Variants in RERG observed in about 807,000 individuals in gnomAD.
RERG encodes RAS like estrogen regulated growth inhibitor.
A neutral mutation model predicts 23.2 loss-of-function variants in RERG; 25 were observed. The ratio of observed to expected loss-of-function variants is 1.08; its 90% CI spans 0.79 to 1.50. RERG has a LOEUF of 1.50. RERG is among the 40% of genes most tolerant of loss of function. The pLI is 0.00. For missense variants in RERG, 253 were observed against 250.1 expected (o/e 1.01, Z -0.08); for synonymous variants, 81 against 89.1 (o/e 0.91, Z 0.51).
At chr12:15,218,699 G>A (rs1234065494) in intron 1 of RERG, among the ~76,000 whole-genome samples, 2 of 151,594 alleles carry the variant, frequency 1.3e-5, no homozygotes, top group South Asian at 2.1e-4. Context: ...ACTCAGAACC[G>A]TTCAAGGATC....
chr12:15,143,738 A>G (rs1279198865), intron 2 of RERG, among the ~76,000 whole-genome samples: 2 of 151,184 alleles, frequency 1.3e-5, no homozygotes, highest in Admixed American at 6.5e-5. Flanking sequence ...AATAAATAGT[A>G]TGTTATATGG....
intron 2 of RERG, among the ~76,000 whole-genome samples, chr12:15,136,669 AGT>A (rs1864149243): frequency 6.6e-6 from 1 of 151,954 alleles, no homozygotes; most frequent in Non-Finnish European, 1.5e-5. Context: ...GTTATTTAGA[AGT>A]GTGTTGTTGA....
intron 4 of RERG, chr12:15,110,821 C>T (rs1254071427): frequency 6.6e-6 from 1 of 152,230 alleles, no homozygotes; most frequent in East Asian, 1.9e-4. Context: ...TCTATGAACC[C>T]TTTTTAATCT....
At chr12:15,187,708 G>A (rs1424045915) in intron 2 of RERG, among the ~76,000 whole-genome samples, 1 of 151,368 alleles carries the variant, frequency 6.6e-6, no homozygotes, top group Non-Finnish European at 1.5e-5. Context: ...ACAGGCACCC[G>A]CCACCACACC....
intron 2 of RERG, among the ~76,000 whole-genome samples, chr12:15,124,652 C>G (rs955781487): frequency 1.3e-5 from 2 of 151,996 alleles, no homozygotes; most frequent in South Asian, 4.1e-4. Flanking sequence ...CCCAGGCATA[C>G]AGCTATTGCT....
chr12:15,162,010 T>C (rs1284665063), intron 2 of RERG, among the ~76,000 whole-genome samples: 1 of 152,186 alleles, frequency 6.6e-6, no homozygotes, highest in African/African-American at 2.4e-5. Flanking sequence ...TCGAGAGCAT[T>C]GTAGAAATAC....
At chr12:15,129,986 AGAATATAATGGG>A (rs1864016477) in intron 2 of RERG, among the ~76,000 whole-genome samples, 1 of 152,230 alleles carries the variant, frequency 6.6e-6, no homozygotes, top group African/African-American at 2.4e-5. Flanking sequence ...TTATTCTTTG[AGAATATAATGGG>A]GAATATAATG....
intron 3 of RERG, among the ~76,000 whole-genome samples, chr12:15,119,062 A>G (rs1863784356): frequency 6.6e-6 from 1 of 152,106 alleles, no homozygotes; most frequent in African/African-American, 2.4e-5. Flanking sequence ...GCACACACTC[A>G]TATAGACACA....
chr12:15,126,714 C>CTCTTTCTTTT (rs1565510864), intron 2 of RERG, among the ~76,000 whole-genome samples: 1 of 85,714 alleles, frequency 1.2e-5, no homozygotes, highest in Non-Finnish European at 2.6e-5. Context: ...ATTTCTTTTT[C>CTCTTTCTTTT]TTTTTCTTTC....
At chr12:15,172,959 A>G (rs1362934557) in intron 2 of RERG, among the ~76,000 whole-genome samples, 2 of 151,976 alleles carry the variant, frequency 1.3e-5, no homozygotes, top group Non-Finnish European at 2.9e-5. Context: ...ATGTCCTTTA[A>G]TGCATAAAAA....
intron 2 of RERG, among the ~76,000 whole-genome samples, chr12:15,145,222 G>A (rs1005566794): frequency 5.4e-4 from 82 of 152,338 alleles, no homozygotes; most frequent in African/African-American, 1.7e-3. Context: ...GGACTAGGAA[G>A]AGAGGACAGT....
Position 15,154,650 on chromosome 12 carries a change from T to C in RERG, c.62-33531A>G, listed in dbSNP as rs549311868. Reference sequence around the variant, plus strand: ...TGGCCAAAGAACATAGCCAGTCTTCTGGTGCGTACATTATGTGGCAGCTCG... The same window carrying C: ...TGGCCAAAGAACATAGCCAGTCTTCCGGTGCGTACATTATGTGGCAGCTCG... On this transcript the variant is annotated intron_variant, in intron 2 of 4. Coordinates refer to ENST00000256953, the MANE Select transcript of RERG (RefSeq NM_032918.3). 3.9e-5 allele frequency among the ~76,000 whole-genome samples: 6 copies of C among 152,314 alleles called. No individual in the cohort carries two copies. In the East Asian group the frequency reaches 9.7e-4, roughly 25 times the overall value.
chr12:15,211,119 G>T (rs1865359693), intron 2 of RERG, among the ~76,000 whole-genome samples: 1 of 151,986 alleles, frequency 6.6e-6, no homozygotes, highest in African/African-American at 2.4e-5. Flanking sequence ...AGCATAATCT[G>T]CCCCTCTTCT....
chr12:15,153,186 G>C (rs1416538836), intron 2 of RERG, among the ~76,000 whole-genome samples: 1 of 152,158 alleles, frequency 6.6e-6, no homozygotes, highest in Non-Finnish European at 1.5e-5. Flanking sequence ...CTTTTCCATA[G>C]AGTCTTAAGG....
At chr12:15,169,867 G>C (rs1864751534) in intron 2 of RERG, among the ~76,000 whole-genome samples, 1 of 151,078 alleles carries the variant, frequency 6.6e-6, no homozygotes, top group Non-Finnish European at 1.5e-5. Context: ...ATTAACAGAA[G>C]CCAAACACCA....
intron 2 of RERG, among the ~76,000 whole-genome samples, chr12:15,143,757 G>T (rs915964406): frequency 6.6e-6 from 1 of 152,124 alleles, no homozygotes; most frequent in African/African-American, 2.4e-5. Flanking sequence ...GGTGGTAAGT[G>T]CTATGAAGAA....
intron 2 of RERG, among the ~76,000 whole-genome samples, chr12:15,158,683 C>T (rs1864559290): frequency 6.6e-6 from 1 of 152,026 alleles, no homozygotes; most frequent in African/African-American, 2.4e-5. Flanking sequence ...TAAAATGTCC[C>T]TCAGTTGTCT....
intron 2 of RERG, among the ~76,000 whole-genome samples, chr12:15,126,156 T>TA (rs1555120849): frequency 0.028 from 3,863 of 139,972 alleles, 294 homozygotes; most frequent in African/African-American, 0.096. Flanking sequence ...TATATATGTA[T>TA]TTACACACAT....
Position 15,109,057 on chromosome 12 carries a change from G to C in RERG, c.*53C>G. 6.9e-7 allele frequency: 1 copy of C among 1,442,340 alleles called. No homozygotes were observed. Among genetic ancestry groups the C allele is most frequent in the Non-Finnish European group, 9.3e-7 (1 of 1,074,156 alleles). 89.3% of individuals were successfully genotyped at this position (1,442,340 alleles called of 1,614,324 possible). A position where few individuals can be genotyped will look rare whatever the true frequency, so the allele number is the denominator to read the frequency against. Reference sequence around the variant, plus strand: ...ATATTTTGTTTTATTTTTGAAAGGGGAACAGAAGGGGAAGAGTGTTTCCAA... The same window carrying C: ...ATATTTTGTTTTATTTTTGAAAGGGCAACAGAAGGGGAAGAGTGTTTCCAA... On this transcript the variant is annotated 3_prime_UTR_variant, in exon 5 of 5. Coordinates refer to ENST00000256953, the MANE Select transcript of RERG (RefSeq NM_032918.3).
Sources: allele counts gnomAD v4.1 joint callset (sites outside exome capture counted in the v4.1 genomes callset), GRCh38; gene constraint gnomAD v4.1.1; transcripts MANE v1.5; gene names NCBI Gene and HGNC (gene_info 2026-07-23, HGNC 2026-07-21).